The following GALNT2 variants were observed in gnomAD, a reference collection of about 807,000 sequenced individuals.
GALNT2 encodes the protein UDP-GalNAc:polypeptide N-acetylgalactosaminyltransferase 2.
In GALNT2, 31 loss-of-function variants were observed where a neutral mutation model predicts 81.4. That is an observed-to-expected ratio of 0.38 (90% confidence interval 0.29 to 0.51). GALNT2 has a LOEUF of 0.51. GALNT2 is among the 20% of genes least tolerant of loss of function. GALNT2 has a pLI of 0.87. For synonymous variants in GALNT2, 303 were observed against 287.4 expected, an observed-to-expected ratio of 1.05 and a Z score of -0.55; for missense variants, 629 against 765.7, an observed-to-expected ratio of 0.82 and a Z score of 2.11.
At chr1:230,254,789 G>A (rs945891429) in intron 10 of GALNT2, among the ~76,000 whole-genome samples, 32 of 152,138 alleles carry the variant, frequency 2.1e-4, no homozygotes, top group African/African-American at 7.0e-4. Flanking sequence ...GTGTTGATAC[G>A]AAGCAAGTGC....
upstream of GALNT2, among the ~76,000 whole-genome samples, chr1:230,066,235 CTG>C (rs1659178491): frequency 6.6e-6 from 1 of 152,210 alleles, no homozygotes; most frequent in Non-Finnish European, 1.5e-5. Context: ...AGTAAAATTT[CTG>C]TCTTTCTTAG....
rs1170358492 is a variant in GALNT2 at position 230,257,314 on chromosome 1, A to G, written c.1136+1970A>G. 1.3e-5 allele frequency among the ~76,000 whole-genome samples: 2 copies of G among 152,256 alleles called. No individual in the cohort carries two copies. Among genetic ancestry groups the G allele is most frequent in the African/African-American group, 4.8e-5 (2 of 41,468 alleles). On this transcript the variant is annotated intron_variant, in intron 11 of 15. Coordinates refer to ENST00000366672, the MANE Select transcript of GALNT2 (RefSeq NM_004481.5). The surrounding 1 kb of genome is among the most constrained non-coding windows in gnomAD (Gnocchi z 4.6). ...GAGTGCCCCCTCCACTCTTGGAGCCAGAAGCAAGGGTCCTGTGAGCACTGT... is the reference window on the plus strand; with the variant it reads ...GAGTGCCCCCTCCACTCTTGGAGCCGGAAGCAAGGGTCCTGTGAGCACTGT...
intron 2 of GALNT2, among the ~76,000 whole-genome samples, 193 bp from the exon 3 acceptor site, chr1:230,202,944 C>A (rs112705453): frequency 3.9e-5 from 6 of 152,334 alleles, no homozygotes; most frequent in African/African-American, 1.4e-4. Flanking sequence ...GGCAAACCTG[C>A]AGTTTCCTAT....
chr1:230,240,138 T>G (rs1665155382), intron 6 of GALNT2, among the ~76,000 whole-genome samples: 1 of 152,244 alleles, frequency 6.6e-6, no homozygotes, highest in Admixed American at 6.5e-5. Flanking sequence ...TTCCATAGAT[T>G]GGAGTTTTTA....
At chr1:230,227,295 A>G (rs908884946) in intron 3 of GALNT2, among the ~76,000 whole-genome samples, 1 of 152,060 alleles carries the variant, frequency 6.6e-6, no homozygotes, top group African/African-American at 2.4e-5. Context: ...AGAATAGAAA[A>G]GGAGGAAAGC....
chr1:230,185,825 C>G (rs753574913), intron 2 of GALNT2, among the ~76,000 whole-genome samples: 2 of 152,124 alleles, frequency 1.3e-5, no homozygotes, highest in African/African-American at 2.4e-5. Flanking sequence ...ATGACTGGGT[C>G]CCCCTGGAGT....
chr1:230,167,027 C>T (rs542204398), intron 1 of GALNT2, among the ~76,000 whole-genome samples: 1 of 151,750 alleles, frequency 6.6e-6, no homozygotes, highest in African/African-American at 2.4e-5. Context: ...AGCTTAATTA[C>T]AAATTTTCCA....
At chr1:230,156,218 AGAG>A (rs1460341331) in intron 1 of GALNT2, among the ~76,000 whole-genome samples, 2 of 140,834 alleles carry the variant, frequency 1.4e-5, no homozygotes, top group African/African-American at 2.6e-5. Context: ...AGGGAGAGAG[AGAG>A]AGAGAGAGAG....
chr1:230,067,138 G>T, upstream of GALNT2: 1 of 274,944 alleles, frequency 3.6e-6, no homozygotes, highest in South Asian at 1.4e-4. Context: ...CGCCGCCGCC[G>T]AGCAGTAGCA....
Position 230,116,510 on chromosome 1 carries a change from G to A in GALNT2, c.126+49104G>A, listed in dbSNP as rs540375381. 8.5e-5 allele frequency among the ~76,000 whole-genome samples: 13 copies of A among 152,308 alleles called. No individual in the cohort carries two copies. In the South Asian group the frequency reaches 2.7e-3, roughly 32 times the overall value. ...CCCAAAGTGCTGAGATTACAGGCGT[G>A]AGCCACTGTGCCTGGCCACAAAATG... On this transcript the variant is annotated intron_variant, in intron 1 of 15. Coordinates refer to ENST00000366672, the MANE Select transcript of GALNT2 (RefSeq NM_004481.5).
intron 1 of GALNT2, among the ~76,000 whole-genome samples, chr1:230,147,232 T>A (rs910656145): frequency 1.3e-5 from 2 of 152,244 alleles, no homozygotes; most frequent in African/African-American, 4.8e-5. Context: ...ACCTTTGTGT[T>A]CCTTCCAAGA....
intron 1 of GALNT2, among the ~76,000 whole-genome samples, chr1:230,130,781 A>G (rs1396574464): frequency 6.6e-6 from 1 of 152,124 alleles, no homozygotes. Context: ...TTGGCTGACC[A>G]TGGCTAAACC....
At chr1:230,141,788 CTTTTTTTTTTTTT>C (rs60824749) in intron 1 of GALNT2, among the ~76,000 whole-genome samples, 1 of 101,326 alleles carries the variant, frequency 9.9e-6, no homozygotes, top group Non-Finnish European at 1.9e-5. Context: ...TTTTGTTTTC[CTTTTTTTTTTTTT>C]TTTTTTTTTG....
chr1:230,198,373 G>GTGTA (rs1663774165), intron 2 of GALNT2, among the ~76,000 whole-genome samples: 2 of 148,808 alleles, frequency 1.3e-5, no homozygotes, highest in Admixed American at 6.8e-5. Flanking sequence ...CAGCCCAGGA[G>GTGTA]CGTACGAGGA....
At chr1:230,121,777 T>C (rs757947525) in intron 1 of GALNT2, among the ~76,000 whole-genome samples, 4 of 152,014 alleles carry the variant, frequency 2.6e-5, no homozygotes, top group Non-Finnish European at 5.9e-5. Context: ...CCACTTTGCA[T>C]AGATCCCAAA....
intron 1 of GALNT2, among the ~76,000 whole-genome samples, chr1:230,111,398 G>A (rs1660701696): frequency 6.6e-6 from 1 of 152,232 alleles, no homozygotes; most frequent in South Asian, 2.1e-4. Context: ...AAGTGTGTTT[G>A]CATACATGTA....
upstream of GALNT2, among the ~76,000 whole-genome samples, chr1:230,066,149 TACGG>T (rs1659168290): frequency 1.3e-5 from 2 of 152,340 alleles, no homozygotes; most frequent in South Asian, 2.1e-4. Flanking sequence ...AGGATATGGG[TACGG>T]ACTTATATCA....
At chr1:230,116,748 T>TC (rs1660861326) in intron 1 of GALNT2, among the ~76,000 whole-genome samples, 1 of 152,194 alleles carries the variant, frequency 6.6e-6, no homozygotes, top group African/African-American at 2.4e-5. Flanking sequence ...GGACTTAAAA[T>TC]CTTCAGTAAA....
intron 1 of GALNT2, among the ~76,000 whole-genome samples, chr1:230,173,131 TAGTA>T (rs1188478815): frequency 6.6e-6 from 1 of 152,224 alleles, no homozygotes; most frequent in African/African-American, 2.4e-5. Context: ...TGGGGTAAGT[TAGTA>T]AGTAGGAGAA....
Sources: gnomAD v4.1 joint callset for allele counts (sites outside exome capture counted in the v4.1 genomes callset) on GRCh38, gnomAD v4.1.1 for gene constraint, Gnocchi (gnomAD v3.1) non-coding constraint, MANE v1.5 for transcripts, NCBI Gene and HGNC (gene_info 2026-07-23, HGNC 2026-07-21) for gene names.